NRSN1: variants seen among roughly 807,000 people sequenced by gnomAD.
NRSN1 encodes the protein neurensin-1.
A neutral mutation model predicts 17.3 loss-of-function variants in NRSN1; 14 were observed. That is an observed-to-expected ratio of 0.81 (90% CI 0.54 to 1.27). NRSN1 has a LOEUF of 1.27. Ranked by LOEUF, NRSN1 falls within the 50% of genes most tolerant of loss-of-function variation. The pLI is 0.00. For synonymous variants in NRSN1, 79 were observed against 94.2 expected (o/e 0.84, Z 0.93); for missense variants, 209 against 235.9 (o/e 0.89, Z 0.75).
chr6:24,131,506 T>C (rs1760028521), intron 2 of NRSN1, among the ~76,000 whole-genome samples: 1 of 152,198 alleles, frequency 6.6e-6, no homozygotes, highest in African/African-American at 2.4e-5. Flanking sequence ...GTTCTGACTA[T>C]GCAAGTATAT....
Position 24,146,259 on chromosome 6 carries a change from C to T in NRSN1, c.*313C>T, listed in dbSNP as rs1290465010. 2 of 587,192 alleles carry T rather than the reference C, an allele frequency of 3.4e-6. No homozygotes were observed. Among genetic ancestry groups the T allele is most frequent in the African/African-American group, 1.8e-5 (1 of 54,424 alleles). 36.4% of individuals were successfully genotyped at this position (587,192 alleles called of 1,614,324 possible). A position where few individuals can be genotyped will look rare whatever the true frequency, so the allele number is the denominator to read the frequency against. On this transcript the variant is annotated 3_prime_UTR_variant, in exon 4 of 4. Transcript: ENST00000378491. ...TATTTTCCGTGTTGTTTGAAAGTGC[C>T]GAACAGTTTAGACCAGCTCACCAAT...
intron 3 of NRSN1, among the ~76,000 whole-genome samples, chr6:24,140,117 TA>T: frequency 6.6e-6 from 1 of 152,286 alleles, no homozygotes; most frequent in South Asian, 2.1e-4. Flanking sequence ...TAAGTGAGCC[TA>T]AAAAATAAAT....
At position 24,137,585 on chromosome 6, in the gene NRSN1, G is replaced by A. The variant is rs930141773; in HGVS notation, c.189+3069G>A. 4.0e-5 allele frequency among the ~76,000 whole-genome samples: 6 copies of A among 151,826 alleles called. No individual in the cohort carries two copies. In the South Asian group the frequency reaches 8.3e-4, roughly 21 times the overall value. ...TTAGGGTACATGTGCACAATGTGCA[G>A]GTTTGTTACACATGTATACATGTGC... On this transcript the variant is annotated intron_variant, in intron 3 of 3. Coordinates refer to ENST00000378491, the MANE Select transcript of NRSN1 (RefSeq NM_080723.5).
At chr6:24,130,829 C>T (rs1581547480) in intron 2 of NRSN1, among the ~76,000 whole-genome samples, 1 of 151,974 alleles carries the variant, frequency 6.6e-6, no homozygotes, top group African/African-American at 2.4e-5. Flanking sequence ...AGAGTCATTC[C>T]GTACAGACAA....
intron 3 of NRSN1, among the ~76,000 whole-genome samples, chr6:24,137,558 T>C (rs1464570661): frequency 6.6e-6 from 1 of 151,760 alleles, no homozygotes; most frequent in Non-Finnish European, 1.5e-5. Flanking sequence ...ACACTTTAAG[T>C]TTTAGGGTAC....
rs372553300 is a variant in NRSN1 at position 24,146,753 on chromosome 6, G to C, written c.*807G>C. The C allele has an allele frequency of 6.5e-6, 1 of 153,590 alleles. No individual in the cohort carries two copies. The highest frequency in any genetic ancestry group is 1.4e-5 in the Non-Finnish European group (1 of 69,238). 9.5% of individuals were successfully genotyped at this position (153,590 alleles called of 1,614,324 possible). On this transcript the variant is annotated 3_prime_UTR_variant, in exon 4 of 4. Transcript: ENST00000378491. ...TAAAAAGCTAAAATTGCCAACTTTAGAATCTTGACCAAAAAAAATTAATTT... is the reference window on the plus strand; with the variant it reads ...TAAAAAGCTAAAATTGCCAACTTTACAATCTTGACCAAAAAAAATTAATTT...
chr6:24,141,365 C>G, intron 3 of NRSN1: 1 of 631,966 alleles, frequency 1.6e-6, no homozygotes, highest in Non-Finnish European at 2.2e-6. Flanking sequence ...GTCCCAACTG[C>G]TCTCCTCACC....
intron 3 of NRSN1, among the ~76,000 whole-genome samples, chr6:24,136,834 G>A (rs146491935): frequency 6.6e-6 from 1 of 152,078 alleles, no homozygotes; most frequent in African/African-American, 2.4e-5. Flanking sequence ...GTATACCTTA[G>A]CCACAAAACA....
intron 3 of NRSN1, among the ~76,000 whole-genome samples, chr6:24,135,262 G>A (rs1760099773): frequency 6.6e-6 from 1 of 152,200 alleles, no homozygotes; most frequent in Non-Finnish European, 1.5e-5. Context: ...ATTTGGATAT[G>A]CTGATGGTAG....
Position 24,146,075 on chromosome 6 carries a change from G to T in NRSN1, c.*129G>T. The T allele has an allele frequency of 1.0e-6, 1 of 967,888 alleles. No homozygotes were observed. The highest frequency in any genetic ancestry group is 1.7e-6 in the Non-Finnish European group (1 of 598,878). The allele number at this position is 967,888 out of a possible 1,614,324, so 60.0% of individuals were successfully genotyped here. A position where few individuals can be genotyped will look rare whatever the true frequency, so the allele number is the denominator to read the frequency against. ...TGTGTTCAGCTGTGGGCAATATAAT[G>T]GGTGGACTCACACTTGCTCAGTTCA... On this transcript the variant is annotated 3_prime_UTR_variant, in exon 4 of 4. Coordinates refer to ENST00000378491, the MANE Select transcript of NRSN1 (RefSeq NM_080723.5).
At chr6:24,133,932 G>A (rs1760074404) in intron 2 of NRSN1, among the ~76,000 whole-genome samples, 1 of 151,958 alleles carries the variant, frequency 6.6e-6, no homozygotes, top group African/African-American at 2.4e-5. Flanking sequence ...CACCTCCCGG[G>A]TTCACGCCAT....
intron 3 of NRSN1, among the ~76,000 whole-genome samples, chr6:24,138,131 T>A (rs1303017649): frequency 6.6e-6 from 1 of 152,068 alleles, no homozygotes. Flanking sequence ...AGATAATGAA[T>A]CTAGGCTTTC....
intron 3 of NRSN1, among the ~76,000 whole-genome samples, chr6:24,135,591 T>TA (rs1240733439): frequency 2.0e-5 from 3 of 152,180 alleles, no homozygotes; most frequent in African/African-American, 7.2e-5. Flanking sequence ...TAGAGGGTGT[T>TA]AAAGTACCCA....
chr6:24,143,905 A>G (rs1159647914), intron 3 of NRSN1, among the ~76,000 whole-genome samples: 1 of 152,230 alleles, frequency 6.6e-6, no homozygotes, highest in African/African-American at 2.4e-5. Context: ...AGATGGGGAA[A>G]TTAATGACAA....
At chr6:24,140,932 G>C (rs757758150) in intron 3 of NRSN1, 5 of 1,322,308 alleles carry the variant, frequency 3.8e-6, no homozygotes, top group African/African-American at 1.5e-5. Context: ...AGCAGGAACT[G>C]GGTTTTCACA....
At position 24,132,382 on chromosome 6, in the gene NRSN1, C is replaced by G. The variant is rs140631121; in HGVS notation, c.-9-1937C>G. Among the ~76,000 whole-genome samples the G allele has an allele frequency of 4.2e-3, 646 of 152,290 alleles. 3 individuals carry two copies. The highest frequency in any genetic ancestry group is 0.015 in the African/African-American group (605 of 41,560). On this transcript the variant is annotated intron_variant, in intron 2 of 3. Transcript: ENST00000378491. The stretch of plus-strand genomic sequence containing the variant: ...TTCTTTTGTAGATAAACATTACTAG[C>G]TGGTTGCTTGATAAGTAATTGGAAA...
At chr6:24,142,214 T>TTTTTTTC (rs71002462) in intron 3 of NRSN1, among the ~76,000 whole-genome samples, 6 of 132,668 alleles carry the variant, frequency 4.5e-5, no homozygotes, top group Admixed American at 7.9e-5. Context: ...TTTTTTTTTT[T>TTTTTTTC]CAGAAGACAT....
At position 24,132,851 on chromosome 6, in the gene NRSN1, CA is replaced by C. The variant is rs1284160451; in HGVS notation, c.-9-1467del. Among the ~76,000 whole-genome samples the C allele has an allele frequency of 1.5e-4, 23 of 152,234 alleles. No individual in the cohort carries two copies. The East Asian group carries it at 3.9e-3, about 26-fold the overall frequency. On this transcript the variant is annotated intron_variant, in intron 2 of 3. Coordinates refer to ENST00000378491, the MANE Select transcript of NRSN1 (RefSeq NM_080723.5). ...TAATGCTCTCCATCCCCTTGCTCCC[CA>C]CCCCCTGACAGGTGTGTGATGTTCC... is the stretch of plus-strand genomic sequence containing the variant.
At chr6:24,131,708 A>G (rs1760032488) in intron 2 of NRSN1, among the ~76,000 whole-genome samples, 1 of 152,190 alleles carries the variant, frequency 6.6e-6, no homozygotes, top group South Asian at 2.1e-4. Flanking sequence ...TGCCTTTAAA[A>G]TTATGCCACT....
Sources: gnomAD v4.1 joint callset for allele counts (sites outside exome capture counted in the v4.1 genomes callset) on GRCh38, gnomAD v4.1.1 for gene constraint, MANE v1.5 for transcripts, NCBI Gene and HGNC (gene_info 2026-07-23, HGNC 2026-07-21) for gene names.